SH3PXD2A: variants seen among roughly 807,000 people sequenced by gnomAD.
SH3PXD2A encodes the protein SH3 and PX domain-containing protein 2A.
Under a neutral mutation model 115.2 loss-of-function variants are expected in SH3PXD2A, and 32 were observed. The ratio of observed to expected loss-of-function variants is 0.28; its 90% confidence interval spans 0.21 to 0.37. The LOEUF is 0.37. Among genes scored for constraint, SH3PXD2A ranks in the 10% least tolerant of loss-of-function variants. The pLI is 1.00. For synonymous variants in SH3PXD2A, 610 were observed against 629.1 expected, an observed-to-expected ratio of 0.97 and a Z score of 0.45; for missense variants, 1,328 against 1,498.7, an observed-to-expected ratio of 0.89 and a Z score of 1.88.
chr10:103,718,877 C>A (rs2038142351), intron 5 of SH3PXD2A, among the ~76,000 whole-genome samples: 2 of 152,032 alleles, frequency 1.3e-5, no homozygotes, highest in East Asian at 3.9e-4. Flanking sequence ...CACCTAAATT[C>A]ATATGTTAAA....
At chr10:103,613,983 G>A (rs1208163958) in intron 11 of SH3PXD2A, among the ~76,000 whole-genome samples, 4 of 152,156 alleles carry the variant, frequency 2.6e-5, no homozygotes, top group South Asian at 2.1e-4. Context: ...GGGGCTGGGC[G>A]AGGTGGCTTA....
chr10:103,805,047 A>G (rs868651215), intron 1 of SH3PXD2A, among the ~76,000 whole-genome samples: 8 of 152,198 alleles, frequency 5.3e-5, no homozygotes, highest in African/African-American at 1.9e-4. Context: ...AGAGGGCTGC[A>G]TTCGCCTGCA....
chr10:103,610,896 G>A (rs576268284), intron 13 of SH3PXD2A, among the ~76,000 whole-genome samples: 2 of 151,376 alleles, frequency 1.3e-5, no homozygotes, highest in East Asian at 3.9e-4. Context: ...ATCCATGCCT[G>A]GCACTTGAAG....
chr10:103,798,287 G>A (rs994554942), intron 2 of SH3PXD2A, among the ~76,000 whole-genome samples: 16 of 152,118 alleles, frequency 1.1e-4, no homozygotes, highest in Non-Finnish European at 2.4e-4. Flanking sequence ...TATGCTTCAC[G>A]ACCTAAACTG....
chr10:103,633,228 C>T (rs988914610), intron 8 of SH3PXD2A, among the ~76,000 whole-genome samples: 8 of 152,082 alleles, frequency 5.3e-5, no homozygotes, highest in Non-Finnish European at 8.8e-5. Flanking sequence ...CCAGCCTGGC[C>T]AACACAGTGA....
intron 6 of SH3PXD2A, 42 bp from the exon 7 acceptor site, chr10:103,668,694 C>T (rs751342618): frequency 7.1e-7 from 1 of 1,415,362 alleles, no homozygotes. Context: ...GAGAGGAGAA[C>T]CAGAGAGAGA....
chr10:103,602,090 G>T lies in SH3PXD2A; in HGVS notation c.3128C>A (p.Ser1043Ter). 6.3e-7 allele frequency: 1 copy of T among 1,598,314 alleles called. No homozygotes were observed. The change falls in exon 15 of 15, where the codon TCA (serine) becomes TAA (stop). Residue 1043 changes from serine to a stop codon, truncating the protein, a stop_gained. Coordinates refer to ENST00000369774, the MANE Select transcript of SH3PXD2A (RefSeq NM_001394015.1). LOFTEE classifies it high-confidence loss of function. The stretch of plus-strand genomic sequence containing the variant: ...GTTGCGCTGGGCGGGCAGTAGGGGT[G>T]AGTCTGAACCCTGGCTGGCAGCCCG... ...AERAASQGSD[S>*]PLLPAQRNSI... is the part of the protein sequence containing the mutation.
At chr10:103,780,302 CA>C (rs1429549042) in intron 2 of SH3PXD2A, among the ~76,000 whole-genome samples, 1 of 152,220 alleles carries the variant, frequency 6.6e-6, no homozygotes, top group Non-Finnish European at 1.5e-5. Flanking sequence ...TTCCCTTCCC[CA>C]AGCATCTCCA....
At chr10:103,765,660 C>T (rs1026620195) in intron 3 of SH3PXD2A, among the ~76,000 whole-genome samples, 1 of 152,210 alleles carries the variant, frequency 6.6e-6, no homozygotes, top group Non-Finnish European at 1.5e-5. Context: ...TGCCCCAAGG[C>T]CAGCCTAACA....
intron 5 of SH3PXD2A, among the ~76,000 whole-genome samples, chr10:103,720,727 A>C (rs898839200): frequency 2.0e-5 from 3 of 152,184 alleles, no homozygotes; most frequent in Non-Finnish European, 4.4e-5. Context: ...AGTCGCCTGG[A>C]AAGGTCCAAA....
At chr10:103,849,288 G>A (rs990883020) in intron 1 of SH3PXD2A, among the ~76,000 whole-genome samples, 1 of 152,088 alleles carries the variant, frequency 6.6e-6, no homozygotes, top group Non-Finnish European at 1.5e-5. Context: ...CGAACCCTCC[G>A]AGCTTCAATT....
At chr10:103,709,864 G>T (rs926250519) in intron 5 of SH3PXD2A, among the ~76,000 whole-genome samples, 1 of 152,194 alleles carries the variant, frequency 6.6e-6, no homozygotes, top group Non-Finnish European at 1.5e-5. Context: ...CCAGCACTTT[G>T]GGAAGCCAAG....
chr10:103,721,034 G>A (rs1295912852), intron 5 of SH3PXD2A, among the ~76,000 whole-genome samples: 2 of 152,228 alleles, frequency 1.3e-5, no homozygotes, highest in Non-Finnish European at 2.9e-5. Flanking sequence ...ACTGGCCCAC[G>A]TGGCCAATAC....
rs537545311 is a variant in SH3PXD2A, at chr10:103,727,459, G to T, written c.307-3098C>A. Reference sequence around the variant, plus strand: ...CCAATGGGGTCGGGATGGGCAGAAGGCAGGAGGAAACCATTACCAGGGATC... The same window carrying T: ...CCAATGGGGTCGGGATGGGCAGAAGTCAGGAGGAAACCATTACCAGGGATC... On this transcript the variant is annotated intron_variant, in intron 4 of 14. Coordinates refer to ENST00000369774, the MANE Select transcript of SH3PXD2A (RefSeq NM_001394015.1). Among the ~76,000 whole-genome samples, 13 of 152,290 alleles carry T rather than the reference G, an allele frequency of 8.5e-5. 1 individual carries two copies. In the South Asian group the frequency reaches 2.7e-3, roughly 32 times the overall value.
rs936792837 is a variant in SH3PXD2A at position 103,622,571 on chromosome 10, G to A, written c.719-18C>T. 4.0e-6 allele frequency: 6 copies of A among 1,497,998 alleles called. No individual in the cohort carries two copies. Among genetic ancestry groups the A allele is most frequent in the South Asian group, 2.4e-5 (2 of 83,328 alleles). 92.8% of individuals were successfully genotyped at this position (1,497,998 alleles called of 1,614,324 possible). On this transcript the variant is annotated intron_variant, in intron 9 of 14. Transcript: ENST00000369774. ...CTTGGACACTGGTGTGGGAGATGGCGATGGAGCATGCGGCCAACAGCAACC... is the reference window on the plus strand; with the variant it reads ...CTTGGACACTGGTGTGGGAGATGGCAATGGAGCATGCGGCCAACAGCAACC...
chr10:103,711,303 C>T (rs1230018722), intron 5 of SH3PXD2A, among the ~76,000 whole-genome samples: 1 of 152,250 alleles, frequency 6.6e-6, no homozygotes, highest in Non-Finnish European at 1.5e-5. Context: ...GTGGTGCAGC[C>T]TCTTGGCCTG....
At chr10:103,624,995 G>A (rs186239703) in intron 9 of SH3PXD2A, among the ~76,000 whole-genome samples, 6 of 152,136 alleles carry the variant, frequency 3.9e-5, no homozygotes, top group Middle Eastern at 3.4e-3. Context: ...TAGGAGAATC[G>A]CCCTGGGCAC....
At chr10:103,789,384 A>G (rs1354714864) in intron 2 of SH3PXD2A, among the ~76,000 whole-genome samples, 1 of 152,016 alleles carries the variant, frequency 6.6e-6, no homozygotes, top group Non-Finnish European at 1.5e-5. Flanking sequence ...ATGACTCTGG[A>G]TTTTCCCCTT....
At chr10:103,671,814 T>G (rs944842082) in intron 6 of SH3PXD2A, among the ~76,000 whole-genome samples, 1 of 152,208 alleles carries the variant, frequency 6.6e-6, no homozygotes, top group Admixed American at 6.5e-5. Flanking sequence ...GTGACTGACA[T>G]GAACCAACTG....
Sources: allele counts gnomAD v4.1 joint callset (sites outside exome capture counted in the v4.1 genomes callset), GRCh38; gene constraint gnomAD v4.1.1; transcripts MANE v1.5; gene names NCBI Gene and HGNC (gene_info 2026-07-23, HGNC 2026-07-21).